Variants in ARMH3 observed in about 807,000 individuals in gnomAD.
ARMH3 encodes the protein armadillo-like helical domain-containing protein 3.
A neutral mutation model predicts 99.1 loss-of-function variants in ARMH3; 60 were observed. The ratio of observed to expected loss-of-function variants is 0.61; its 90% CI spans 0.49 to 0.75. The LOEUF (loss-of-function observed/expected upper bound fraction) is 0.75. Among genes scored for constraint, ARMH3 ranks in the 30% least tolerant of loss-of-function variants. The probability of loss-of-function intolerance (pLI) is 0.00; values close to 1 mark genes in which losing one functional copy is unlikely to be tolerated. For synonymous variants in ARMH3, 285 were observed against 292.8 expected (o/e 0.97, Z 0.27); for missense variants, 679 against 843.1 (o/e 0.81, Z 2.41).
In ARMH3 at chr10:102,008,730, A is replaced by AT. The variant is rs530749445; in HGVS notation, c.954+643dup. 7.5e-4 allele frequency among the ~76,000 whole-genome samples: 110 copies of AT among 147,220 alleles called. No homozygotes were observed. The South Asian group carries it at 0.016, about 21-fold the overall frequency. ...ACCACGCCCAGCTATTTTTTTTTTA[A>AT]TTTTTTTTTTATTTTTAGAAGAGAC... On this transcript the variant is annotated intron_variant, in intron 13 of 25. Transcript: ENST00000370033.
chr10:101,890,703 A>C (rs565333384), intron 23 of ARMH3, among the ~76,000 whole-genome samples: 1 of 152,332 alleles, frequency 6.6e-6, no homozygotes, highest in African/African-American at 2.4e-5. Flanking sequence ...ATAGCAAAGA[A>C]GCCTGGTAAA....
At chr10:101,950,626 C>T (rs998406794) in intron 22 of ARMH3, among the ~76,000 whole-genome samples, 2 of 152,092 alleles carry the variant, frequency 1.3e-5, no homozygotes, top group Non-Finnish European at 2.9e-5. Context: ...AAAAAGGGAA[C>T]GAAGTACTGT....
chr10:101,950,425 T>A (rs1421438935), intron 22 of ARMH3, among the ~76,000 whole-genome samples: 1 of 152,220 alleles, frequency 6.6e-6, no homozygotes, highest in Non-Finnish European at 1.5e-5. Context: ...AGTTATCATA[T>A]GACCCAGCAA....
Position 102,036,197 on chromosome 10 carries a change from C to A in ARMH3, c.103-2858G>T, listed in dbSNP as rs562157454. Among the ~76,000 whole-genome samples, 1,365 of 137,198 alleles carry A rather than the reference C, an allele frequency of 9.9e-3. 20 individuals are homozygous for A. The highest frequency in any genetic ancestry group is 0.032 in the Admixed American group (453 of 14,198). The allele number at this position is 137,198 out of a possible 152,430, so 90.0% of individuals were successfully genotyped here. ...CCCCCGCCCGGCCAGCCGCCCCGTC[C>A]GGGAGGGAAGTGGGGGGTCAGCCCC... On this transcript the variant is annotated intron_variant, in intron 2 of 25. Transcript: ENST00000370033.
At chr10:102,022,491 TAAAAAAAAAA>T (rs745889967) in intron 8 of ARMH3, among the ~76,000 whole-genome samples, 1 of 85,364 alleles carries the variant, frequency 1.2e-5, no homozygotes, top group Non-Finnish European at 2.3e-5. Flanking sequence ...GACTCTGACT[TAAAAAAAAAA>T]AAAAAAAAAA....
chr10:101,928,609 CAATGAG>C (rs1457951229), intron 23 of ARMH3, among the ~76,000 whole-genome samples: 1 of 152,150 alleles, frequency 6.6e-6, no homozygotes, highest in Non-Finnish European at 1.5e-5. Context: ...TTTGAGGCCG[CAATGAG>C]CTATGATTAT....
chr10:101,849,982 G>C, intron 24 of ARMH3, 90 bp from the exon 25 acceptor site: 1 of 1,149,094 alleles, frequency 8.7e-7, no homozygotes. Flanking sequence ...GTTGGGTTTG[G>C]TCTGTGACAA....
chr10:102,010,259 CTTGCCT>C (rs2066602586), intron 11 of ARMH3, among the ~76,000 whole-genome samples: 1 of 152,220 alleles, frequency 6.6e-6, no homozygotes, highest in Non-Finnish European at 1.5e-5. Flanking sequence ...AGTAAATCAT[CTTGCCT>C]ACTAAATCAC....
chr10:101,921,572 A>G (rs1425785394), intron 23 of ARMH3, among the ~76,000 whole-genome samples: 1 of 152,238 alleles, frequency 6.6e-6, no homozygotes, highest in African/African-American at 2.4e-5. Context: ...AAAGATATGG[A>G]ATCAACCTAA....
chr10:102,012,968 A>G (rs1590182691), intron 9 of ARMH3, 92 bp from the exon 10 acceptor site: 1 of 1,098,838 alleles, frequency 9.1e-7, no homozygotes, highest in African/African-American at 1.6e-5. Context: ...AACACTAATT[A>G]GCCCAAGAAG....
intron 24 of ARMH3, among the ~76,000 whole-genome samples, chr10:101,864,750 G>A (rs1459675680): frequency 6.6e-6 from 1 of 152,062 alleles, no homozygotes; most frequent in Non-Finnish European, 1.5e-5. Flanking sequence ...TTGCAGGCTG[G>A]GGAGAGGGGG....
intron 23 of ARMH3, among the ~76,000 whole-genome samples, chr10:101,938,672 T>C (rs780538195): frequency 6.6e-6 from 1 of 152,234 alleles, no homozygotes; most frequent in Non-Finnish European, 1.5e-5. Context: ...AAACAGATAT[T>C]TGGGAGAAGG....
chr10:101,870,109 C>T (rs2135360798), intron 24 of ARMH3, among the ~76,000 whole-genome samples: 1 of 152,268 alleles, frequency 6.6e-6, no homozygotes, highest in South Asian at 2.1e-4. Context: ...ATAAAATTGA[C>T]AAACCTCTAA....
At chr10:101,866,228 A>G (rs2066999518) in intron 24 of ARMH3, among the ~76,000 whole-genome samples, 3 of 148,106 alleles carry the variant, frequency 2.0e-5, no homozygotes, top group Non-Finnish European at 3.0e-5. Flanking sequence ...TCTCAGAAGA[A>G]AAAAAAAAAA....
chr10:101,998,303 A>C (rs1847153798), intron 15 of ARMH3, among the ~76,000 whole-genome samples: 1 of 152,200 alleles, frequency 6.6e-6, no homozygotes, highest in South Asian at 2.1e-4. Flanking sequence ...TAAAGAAGCA[A>C]TGGCTTCAAG....
intron 4 of ARMH3, among the ~76,000 whole-genome samples, chr10:102,030,712 AAATAATAAT>A (rs958464671): frequency 1.5e-5 from 2 of 135,444 alleles, no homozygotes; most frequent in Non-Finnish European, 3.3e-5. Context: ...TCCGTCTCAA[AAATAATAAT>A]AATAATAATA....
chr10:102,032,679 C>T (rs1435885682), intron 4 of ARMH3, among the ~76,000 whole-genome samples: 4 of 152,114 alleles, frequency 2.6e-5, no homozygotes, highest in Admixed American at 1.3e-4. Context: ...GGATTACAGG[C>T]GTGAACCACC....
intron 1 of ARMH3, among the ~76,000 whole-genome samples, chr10:102,052,377 C>G (rs2067728569): frequency 1.3e-5 from 2 of 152,206 alleles, no homozygotes; most frequent in South Asian, 4.2e-4. Flanking sequence ...GCTCACACTG[C>G]CACACCCGGC....
At chr10:102,033,418 A>T in intron 2 of ARMH3, 79 bp from the exon 3 acceptor site, 2 of 1,424,834 alleles carry the variant, frequency 1.4e-6, no homozygotes, top group Non-Finnish European at 1.9e-6. Flanking sequence ...AGTCAACCTT[A>T]GTTTTCTTTT....
Sources: gnomAD v4.1 joint callset for allele counts (sites outside exome capture counted in the v4.1 genomes callset) on GRCh38, gnomAD v4.1.1 for gene constraint, MANE v1.5 for transcripts, NCBI Gene and HGNC (gene_info 2026-07-23, HGNC 2026-07-21) for gene names.